The following IFITM10 variants were observed in gnomAD, a reference collection of about 807,000 sequenced individuals.
IFITM10 encodes interferon induced transmembrane protein 10, also known as interferon-induced transmembrane protein 10.
In IFITM10, 17 loss-of-function variants were observed where a neutral mutation model predicts 19.0. That is an observed-to-expected ratio of 0.90 (90% CI 0.61 to 1.34). The LOEUF (loss-of-function observed/expected upper bound fraction) is 1.34. Among genes scored for constraint, IFITM10 ranks in the 40% most tolerant of loss-of-function variants. The pLI is 0.00. For synonymous variants in IFITM10, 148 were observed against 147.2 expected, an observed-to-expected ratio of 1.01 and a Z score of -0.04; for missense variants, 306 against 319.8, an observed-to-expected ratio of 0.96 and a Z score of 0.33.
Position 1,747,729 on chromosome 11 carries a change from A to G in IFITM10, c.475T>C (p.Phe159Leu), listed in dbSNP as rs946763988. Residue 159 changes from phenylalanine to leucine, a missense_variant, in exon 2 of 3, where the codon TTC (phenylalanine) becomes CTC (leucine). Transcript: ENST00000340134. ...CAGAAGTTGAGGTAGACGAAGTTGA[A>G]GATGGACCACAGGTAATAGTCGTTC... is the stretch of plus-strand genomic sequence containing the variant. ...EVNDYYLWSI[F>L]NFVYLNFCCL... is the part of the protein sequence containing the mutation. The G allele has an allele frequency of 6.4e-7, 1 of 1,551,690 alleles. No homozygotes were observed. The highest frequency in any genetic ancestry group is 1.4e-5 in the African/African-American group (1 of 73,054).
intron 2 of IFITM10, among the ~76,000 whole-genome samples, chr11:1,741,333 G>A (rs1362528861): frequency 1.3e-5 from 2 of 151,800 alleles, no homozygotes; most frequent in African/African-American, 2.4e-5. Context: ...GGGGCACCAG[G>A]GTGCTAGGTG....
chr11:1,741,528 G>A (rs1048335858), intron 2 of IFITM10, among the ~76,000 whole-genome samples: 4 of 152,020 alleles, frequency 2.6e-5, no homozygotes, highest in African/African-American at 9.7e-5. Context: ...AAAATGGAAG[G>A]ACATTCTGAT....
chr11:1,739,811 C>A (rs1359258267), intron 2 of IFITM10, among the ~76,000 whole-genome samples: 1 of 152,098 alleles, frequency 6.6e-6, no homozygotes, highest in Non-Finnish European at 1.5e-5. Flanking sequence ...GCTGTCTGTG[C>A]AGGGCCCGGT....
At chr11:1,748,439 A>C in intron 1 of IFITM10, 5 of 311,866 alleles carry the variant, frequency 1.6e-5, no homozygotes, top group Non-Finnish European at 1.2e-5. Context: ...CTGTTGCAAA[A>C]CACAGAGTGC....
chr11:1,740,036 T>C (rs1851128828), intron 2 of IFITM10, among the ~76,000 whole-genome samples: 1 of 152,112 alleles, frequency 6.6e-6, no homozygotes, highest in African/African-American at 2.4e-5. Context: ...GCATGGTGGC[T>C]CACGCCTGTA....
chr11:1,742,034 G>A (rs539230988), intron 2 of IFITM10, among the ~76,000 whole-genome samples: 3 of 152,328 alleles, frequency 2.0e-5, no homozygotes, highest in African/African-American at 7.2e-5. Flanking sequence ...TAAATACCCA[G>A]TGTTTATAAA....
chr11:1,747,316 A>G (rs1421684924), intron 2 of IFITM10, among the ~76,000 whole-genome samples: 26 of 152,054 alleles, frequency 1.7e-4, no homozygotes, highest in Non-Finnish European at 1.5e-5. Flanking sequence ...GCTGCTGCCC[A>G]GGTCTACGTC....
At chr11:1,741,502 A>T (rs1845570250) in intron 2 of IFITM10, among the ~76,000 whole-genome samples, 1 of 152,080 alleles carries the variant, frequency 6.6e-6, no homozygotes, top group African/African-American at 2.4e-5. Context: ...GAGTCCATCG[A>T]AGCAAGCAAG....
chr11:1,742,990 T>TCTGGATGG (rs112458042), intron 2 of IFITM10, among the ~76,000 whole-genome samples: 1 of 131,174 alleles, frequency 7.6e-6, no homozygotes, highest in Non-Finnish European at 1.6e-5. Flanking sequence ...TGGATGGACA[T>TCTGGATGG]ATGGATGGAT....
At chr11:1,748,948 G>C in intron 1 of IFITM10, 1 of 747,778 alleles carries the variant, frequency 1.3e-6, no homozygotes, top group Non-Finnish European at 1.6e-6. Context: ...GGGGGTCTGC[G>C]GCCGAGGCTC....
intron 2 of IFITM10, among the ~76,000 whole-genome samples, chr11:1,736,517 A>C (rs1354171776): frequency 1.3e-5 from 2 of 152,196 alleles, no homozygotes; most frequent in African/African-American, 4.8e-5. Context: ...GCTAGAACGC[A>C]ATTCAGTGGA....
intron 2 of IFITM10, among the ~76,000 whole-genome samples, chr11:1,747,120 C>A (rs945777809): frequency 1.3e-5 from 2 of 152,130 alleles, no homozygotes; most frequent in African/African-American, 4.8e-5. Flanking sequence ...CACCCCTCTT[C>A]CCTGGGCTGC....
At chr11:1,738,630 C>T (rs941678267) in intron 2 of IFITM10, among the ~76,000 whole-genome samples, 12 of 152,200 alleles carry the variant, frequency 7.9e-5, no homozygotes, top group South Asian at 2.1e-4. Context: ...GGTGAATACA[C>T]GAGAATGTGT....
intron 2 of IFITM10, among the ~76,000 whole-genome samples, chr11:1,742,583 GA>G: frequency 6.6e-6 from 1 of 152,326 alleles, no homozygotes; most frequent in African/African-American, 2.4e-5. Context: ...CTTGAAGGGT[GA>G]ATAGATGTGT....
At chr11:1,742,331 G>A (rs945877347) in intron 2 of IFITM10, among the ~76,000 whole-genome samples, 7 of 152,078 alleles carry the variant, frequency 4.6e-5, no homozygotes, top group East Asian at 3.9e-4. Flanking sequence ...ATGCATGGCC[G>A]AAAAGTGGGG....
chr11:1,743,891 T>C (rs1470995614), intron 2 of IFITM10, among the ~76,000 whole-genome samples: 1 of 152,150 alleles, frequency 6.6e-6, no homozygotes, highest in Non-Finnish European at 1.5e-5. Flanking sequence ...CTCCTACAGA[T>C]GAGAGCCCAG....
chr11:1,748,216 A>C (rs1237057662), intron 1 of IFITM10, 97 bp from the exon 2 acceptor site: 1 of 969,168 alleles, frequency 1.0e-6, no homozygotes, highest in East Asian at 3.3e-5. Context: ...GTGGAGACGG[A>C]AATCCCTGCG....
At chr11:1,737,815 A>G (rs1182934027) in intron 2 of IFITM10, among the ~76,000 whole-genome samples, 21 of 152,180 alleles carry the variant, frequency 1.4e-4, no homozygotes, top group Non-Finnish European at 1.0e-4. Flanking sequence ...AATATGGTAG[A>G]TTATATTTAT....
chr11:1,737,028 T>C (rs184387998), intron 2 of IFITM10, among the ~76,000 whole-genome samples: 12 of 152,330 alleles, frequency 7.9e-5, no homozygotes, highest in East Asian at 5.8e-4. Context: ...AGAAAGTCTA[T>C]GCTCTTATCG....
Sources: gnomAD v4.1 joint callset for allele counts (sites outside exome capture counted in the v4.1 genomes callset) on GRCh38, gnomAD v4.1.1 for gene constraint, MANE v1.5 for transcripts, NCBI Gene and HGNC (gene_info 2026-07-23, HGNC 2026-07-21) for gene names.